The following LINC00237 variants were observed in gnomAD, a reference collection of about 807,000 sequenced individuals.
LINC00237 encodes long intergenic non-protein coding RNA 237.
chr20:21,102,478 T>G lies in LINC00237; in HGVS notation n.88+3793A>C, dbSNP rs562883843. ...ACTCGCTCCAGGTCACAGGACCCAC[T>G]AAGAGGGCCTTTCCAGCTCATGCCC... On this transcript the variant is annotated intron_variant and non_coding_transcript_variant, in intron 1 of 3. Transcript: ENST00000691244. 2.0e-5 allele frequency among the ~76,000 whole-genome samples: 3 copies of G among 152,034 alleles called. No individual in the cohort carries two copies. In the South Asian group the frequency reaches 6.2e-4, roughly 32 times the overall value.
chr20:21,100,966 T>C (rs1286805653), intron 1 of LINC00237, among the ~76,000 whole-genome samples: 1 of 151,980 alleles, frequency 6.6e-6, no homozygotes, highest in Non-Finnish European at 1.5e-5. Context: ...GCCTTTCAGC[T>C]CCTCGCAGTC....
intron 3 of LINC00237, among the ~76,000 whole-genome samples, chr20:21,087,154 A>G (rs1219051554): frequency 6.6e-6 from 1 of 151,494 alleles, no homozygotes. Flanking sequence ...AGAGACAGAA[A>G]GAAGTTATTT....
At chr20:21,094,332 TAC>T (rs539021925) in intron 1 of LINC00237, among the ~76,000 whole-genome samples, 28 of 152,310 alleles carry the variant, frequency 1.8e-4, no homozygotes, top group African/African-American at 6.5e-4. Flanking sequence ...ACTCAAACTG[TAC>T]AGAGTGTTCT....
intron 1 of LINC00237, among the ~76,000 whole-genome samples, chr20:21,103,391 G>C (rs2030958640): frequency 6.6e-6 from 1 of 152,200 alleles, no homozygotes; most frequent in South Asian, 2.1e-4. Context: ...CGGGGTGGCA[G>C]GGCTGTCCCT....
intron 3 of LINC00237, among the ~76,000 whole-genome samples, chr20:21,086,626 T>A (rs1332022495): frequency 2.5e-5 from 1 of 39,916 alleles, no homozygotes; most frequent in Non-Finnish European, 5.4e-5. Context: ...GTATACTATA[T>A]ATAGTATACT....
intron 1 of LINC00237, among the ~76,000 whole-genome samples, chr20:21,104,788 T>C (rs533237239): frequency 6.6e-6 from 1 of 152,362 alleles, no homozygotes; most frequent in South Asian, 2.1e-4. Context: ...AGGCAGGTTT[T>C]GTTTACATAT....
In LINC00237 at chr20:21,100,137, A is replaced by G. The variant is rs141429964; in HGVS notation, n.88+6134T>C. 9.9e-3 allele frequency among the ~76,000 whole-genome samples: 1,511 copies of G among 152,284 alleles called. 24 individuals carry two copies. The highest frequency in any genetic ancestry group is 0.034 in the African/African-American group (1,424 of 41,550). On this transcript the variant is annotated intron_variant and non_coding_transcript_variant, in intron 1 of 3. Coordinates refer to ENST00000691244, the Ensembl canonical transcript of LINC00237. The stretch of plus-strand genomic sequence containing the variant: ...CTCGAAAAAGGAAATATTTGCAATA[A>G]GCAGGCGGTAGTAGCACTTCGTAGC...
intron 1 of LINC00237, among the ~76,000 whole-genome samples, chr20:21,105,526 G>A (rs2030987592): frequency 6.6e-6 from 1 of 152,178 alleles, no homozygotes; most frequent in South Asian, 2.1e-4. Context: ...GCAGGACTGT[G>A]CCGCGGCGGC....
intron 1 of LINC00237, among the ~76,000 whole-genome samples, chr20:21,095,326 A>C (rs951769197): frequency 8.5e-5 from 13 of 152,190 alleles, no homozygotes; most frequent in African/African-American, 3.1e-4. Context: ...TGGACTTTCC[A>C]CATAAATAAG....
At position 21,091,753 on chromosome 20, in the gene LINC00237, C is replaced by T. The variant is rs16982465; in HGVS notation, n.472+1716G>A. ...CAGCAGGATGTAGAGACACAGATGCCAAGAAACTTGCCTTTATTTTCTTGG... is the reference window on the plus strand; with the variant it reads ...CAGCAGGATGTAGAGACACAGATGCTAAGAAACTTGCCTTTATTTTCTTGG... On this transcript the variant is annotated intron_variant and non_coding_transcript_variant, in intron 2 of 3. Transcript: ENST00000691244. Among the ~76,000 whole-genome samples, 1,287 of 152,212 alleles carry T rather than the reference C, an allele frequency of 8.5e-3. 16 individuals carry two copies. The highest frequency in any genetic ancestry group is 0.03 in the African/African-American group (1,246 of 41,510).
At chr20:21,096,232 A>G (rs928095703) in intron 1 of LINC00237, among the ~76,000 whole-genome samples, 12 of 152,198 alleles carry the variant, frequency 7.9e-5, no homozygotes, top group African/African-American at 2.9e-4. Context: ...AACAAAACAG[A>G]AATTTATTAT....
At chr20:21,092,172 A>G (rs2030802037) in intron 2 of LINC00237, among the ~76,000 whole-genome samples, 1 of 152,244 alleles carries the variant, frequency 6.6e-6, no homozygotes, top group Non-Finnish European at 1.5e-5. Context: ...CTGTACTATT[A>G]TCAACCAATA....
chr20:21,099,209 A>G (rs1219525917), intron 1 of LINC00237, among the ~76,000 whole-genome samples: 4 of 152,236 alleles, frequency 2.6e-5, no homozygotes, highest in African/African-American at 7.2e-5. Context: ...AGGTGAAGAT[A>G]GGAAGGACAG....
rs2030811489 is a variant in LINC00237, at chr20:21,092,918, G to A, written n.472+551C>T. The stretch of plus-strand genomic sequence containing the variant: ...ACAACAACCGGGTGACTTAAGCATT[G>A]CTAAAGTTGCTAAGTCACCCACCTT... On this transcript the variant is annotated intron_variant and non_coding_transcript_variant, in intron 2 of 3. Coordinates refer to ENST00000691244, the Ensembl canonical transcript of LINC00237. The A allele has an allele frequency of 2.6e-5, 4 of 152,312 alleles. No homozygotes were observed. In the South Asian group the frequency reaches 8.3e-4, roughly 32 times the overall value. The allele number at this position is 152,312 out of a possible 1,614,324, so 9.4% of individuals were successfully genotyped here.
At chr20:21,092,394 G>A (rs2030804656) in intron 2 of LINC00237, among the ~76,000 whole-genome samples, 1 of 152,202 alleles carries the variant, frequency 6.6e-6, no homozygotes, top group Admixed American at 6.5e-5. Context: ...CATCCAAAAG[G>A]AAAGGGGCTT....
chr20:21,092,534 G>C (rs567967408), intron 2 of LINC00237, among the ~76,000 whole-genome samples: 1 of 152,302 alleles, frequency 6.6e-6, no homozygotes, highest in East Asian at 1.9e-4. Flanking sequence ...GTTATAACCA[G>C]ATCATCTGTT....
In LINC00237 at chr20:21,101,075, CG is replaced by C; in HGVS notation, n.88+5195del. On this transcript the variant is annotated intron_variant and non_coding_transcript_variant, in intron 1 of 3. Transcript: ENST00000691244. This position sits in a 1 kb window ranked among gnomAD's most constrained non-coding sequence, Gnocchi z 4.3. The stretch of plus-strand genomic sequence containing the variant: ...GCCCCACCGAGAGCCGCTGAATGGG[CG>C]TGATTAGCATGTGAAAAGGCGAGCA... 6.6e-6 allele frequency among the ~76,000 whole-genome samples: 1 copy of C among 152,192 alleles called. No individual in the cohort carries two copies. Among genetic ancestry groups the C allele is most frequent in the East Asian group, 1.9e-4 (1 of 5,162 alleles).
At chr20:21,092,685 A>G (rs1471009006) in intron 2 of LINC00237, 1 of 152,170 alleles carries the variant, frequency 6.6e-6, no homozygotes, top group Non-Finnish European at 1.5e-5. Context: ...TTTCTTCCCG[A>G]TCTTTAGGAG....
chr20:21,087,120 A>T (rs2030723012), intron 3 of LINC00237, among the ~76,000 whole-genome samples: 1 of 151,032 alleles, frequency 6.6e-6, no homozygotes, highest in African/African-American at 2.4e-5. Flanking sequence ...ACAGAGATAG[A>T]GACAGAGAGA....
Sources: allele counts gnomAD v4.1 joint callset (sites outside exome capture counted in the v4.1 genomes callset), GRCh38; gene constraint gnomAD v4.1.1; non-coding constraint Gnocchi (gnomAD v3.1); transcripts MANE v1.5; gene names NCBI Gene and HGNC (gene_info 2026-07-23, HGNC 2026-07-21).